PPP2R2B: variants seen among roughly 807,000 people sequenced by gnomAD.
PPP2R2B encodes protein phosphatase 2 regulatory subunit Bbeta, also known as serine/threonine-protein phosphatase 2A 55 kDa regulatory subunit B beta isoform.
Under a neutral mutation model 46.0 loss-of-function variants are expected in PPP2R2B, and 5 were observed. That is an observed-to-expected ratio of 0.11 (90% confidence interval 0.06 to 0.23). The LOEUF (loss-of-function observed/expected upper bound fraction) is 0.23. PPP2R2B is among the 10% of genes least tolerant of loss of function. The pLI is 1.00. For synonymous variants in PPP2R2B, 215 were observed against 206.7 expected, an observed-to-expected ratio of 1.04 and a Z score of -0.34; for missense variants, 367 against 575.0, an observed-to-expected ratio of 0.64 and a Z score of 3.70.
chr5:146,842,875 C>A (rs1467486601), intron 2 of PPP2R2B, among the ~76,000 whole-genome samples: 1 of 152,310 alleles, frequency 6.6e-6, no homozygotes, highest in East Asian at 1.9e-4. Flanking sequence ...TTTTGAAATG[C>A]AGTTTTTTTT....
rs114663846 is a variant in PPP2R2B at position 146,710,675 on chromosome 5, T to C, written c.71-9533A>G. On this transcript the variant is annotated intron_variant, in intron 2 of 9. Transcript: ENST00000394411. ...AATTTTTCAAAAAGCAGAGGAGTAATTAACTGCTCAGGCAATACAAACTCT... is the reference window on the plus strand; with the variant it reads ...AATTTTTCAAAAAGCAGAGGAGTAACTAACTGCTCAGGCAATACAAACTCT... Among the ~76,000 whole-genome samples, 690 of 152,372 alleles carry C rather than the reference T, an allele frequency of 4.5e-3. 4 individuals carry two copies. Among genetic ancestry groups the C allele is most frequent in the African/African-American group, 0.016 (670 of 41,596 alleles).
chr5:146,929,508 A>G (rs1483441459), intron 1 of PPP2R2B, among the ~76,000 whole-genome samples: 4 of 152,198 alleles, frequency 2.6e-5, no homozygotes, highest in African/African-American at 9.6e-5. Context: ...TCCATGAAAA[A>G]GAAGAGTCCA....
chr5:146,940,380 A>G (rs1764282157), intron 1 of PPP2R2B, among the ~76,000 whole-genome samples: 1 of 152,202 alleles, frequency 6.6e-6, no homozygotes, highest in South Asian at 2.1e-4. Context: ...ATATGGACAC[A>G]GAGAAAGGAG....
intron 2 of PPP2R2B, among the ~76,000 whole-genome samples, chr5:147,061,713 G>T (rs1008950322): frequency 2.0e-5 from 3 of 152,086 alleles, no homozygotes; most frequent in African/African-American, 7.2e-5. Context: ...CTTTGAAGAT[G>T]GGGGTCGGCT....
intron 2 of PPP2R2B, among the ~76,000 whole-genome samples, chr5:146,773,621 A>G (rs1755003733): frequency 6.6e-6 from 1 of 152,240 alleles, no homozygotes; most frequent in African/African-American, 2.4e-5. Flanking sequence ...CAGAGCCTGA[A>G]GGTAATCAAA....
chr5:146,747,574 A>C (rs1753269152), intron 2 of PPP2R2B, among the ~76,000 whole-genome samples: 2 of 152,208 alleles, frequency 1.3e-5, no homozygotes, highest in South Asian at 4.1e-4. Flanking sequence ...GTATTTTTGC[A>C]AAGCTGGAGT....
intron 2 of PPP2R2B, among the ~76,000 whole-genome samples, chr5:146,758,387 A>G (rs755218238): frequency 1.3e-5 from 2 of 152,134 alleles, no homozygotes; most frequent in African/African-American, 2.4e-5. Flanking sequence ...GCTAAAAGTT[A>G]CCAACATTAC....
intron 1 of PPP2R2B, among the ~76,000 whole-genome samples, chr5:147,023,123 T>C (rs1755364077): frequency 6.6e-6 from 1 of 152,184 alleles, no homozygotes; most frequent in Admixed American, 6.5e-5. Flanking sequence ...GACACATATG[T>C]ATACATATAT....
chr5:146,950,311 A>G (rs1033886465), intron 1 of PPP2R2B, among the ~76,000 whole-genome samples: 7 of 152,082 alleles, frequency 4.6e-5, no homozygotes, highest in African/African-American at 1.4e-4. Flanking sequence ...TAGATAATTT[A>G]TGTTAAAGAA....
At chr5:146,684,251 C>T (rs1778353642) in intron 5 of PPP2R2B, among the ~76,000 whole-genome samples, 1 of 152,190 alleles carries the variant, frequency 6.6e-6, no homozygotes, top group South Asian at 2.1e-4. Context: ...TAGAGGAAGG[C>T]TGTATCTATG....
intron 2 of PPP2R2B, among the ~76,000 whole-genome samples, chr5:146,828,660 G>T (rs1184867928): frequency 6.6e-6 from 1 of 152,112 alleles, no homozygotes; most frequent in Non-Finnish European, 1.5e-5. Flanking sequence ...CAAAAAGGAT[G>T]ATCTTTTTCC....
chr5:146,764,834 G>GCA (rs973687768), intron 2 of PPP2R2B, among the ~76,000 whole-genome samples: 2 of 142,730 alleles, frequency 1.4e-5, no homozygotes, highest in Non-Finnish European at 3.0e-5. Flanking sequence ...AGAGATACAC[G>GCA]CACACACACA....
At chr5:147,073,767 G>A (rs1242223736) in intron 2 of PPP2R2B, among the ~76,000 whole-genome samples, 7 of 152,270 alleles carry the variant, frequency 4.6e-5, no homozygotes, top group African/African-American at 7.2e-5. Context: ...TGGGCGGGGC[G>A]TGGTGGCTCC....
intron 2 of PPP2R2B, among the ~76,000 whole-genome samples, chr5:146,846,336 G>T (rs751763713): frequency 4.6e-5 from 7 of 151,402 alleles, no homozygotes; most frequent in Non-Finnish European, 1.0e-4. Flanking sequence ...CCAAGATTGC[G>T]CCACCACACT....
intron 2 of PPP2R2B, among the ~76,000 whole-genome samples, chr5:146,814,984 C>T (rs1325814977): frequency 1.3e-5 from 2 of 152,168 alleles, no homozygotes; most frequent in Non-Finnish European, 2.9e-5. Context: ...TGCTGTAGAC[C>T]TGTACAGATT....
chr5:146,995,193 C>T lies in PPP2R2B; in HGVS notation c.79+60472G>A, dbSNP rs568901966. On this transcript the variant is annotated intron_variant, in intron 1 of 8. Transcript: ENST00000336640. ...TTCAGAGAGATTTTTCTGAATCTTCCCAGTGGGTTTTACTTTCAAGCTATA... is the reference window on the plus strand; with the variant it reads ...TTCAGAGAGATTTTTCTGAATCTTCTCAGTGGGTTTTACTTTCAAGCTATA... 1.2e-4 allele frequency among the ~76,000 whole-genome samples: 18 copies of T among 152,218 alleles called. No individual in the cohort carries two copies. The East Asian group carries it at 3.1e-3, about 26-fold the overall frequency.
chr5:146,992,336 T>C (rs1333688468), intron 1 of PPP2R2B, among the ~76,000 whole-genome samples: 3 of 152,258 alleles, frequency 2.0e-5, no homozygotes, highest in Admixed American at 6.5e-5. Context: ...ATATTTTCAC[T>C]GGATATCAGA....
chr5:146,741,602 C>T (rs573287642), intron 2 of PPP2R2B, among the ~76,000 whole-genome samples: 1 of 152,212 alleles, frequency 6.6e-6, no homozygotes, highest in Non-Finnish European at 1.5e-5. Context: ...GACCGCCTCT[C>T]GGGACGTGGG....
chr5:146,626,418 A>G (rs1455533090), intron 7 of PPP2R2B, among the ~76,000 whole-genome samples: 1 of 152,208 alleles, frequency 6.6e-6, no homozygotes, highest in East Asian at 1.9e-4. Context: ...ACAGACTTAG[A>G]TTTTAAAAGT....
Sources: gnomAD v4.1 joint callset for allele counts (sites outside exome capture counted in the v4.1 genomes callset) on GRCh38, gnomAD v4.1.1 for gene constraint, MANE v1.5 for transcripts, NCBI Gene and HGNC (gene_info 2026-07-23, HGNC 2026-07-21) for gene names.